Variants in GABRR3 observed in about 807,000 individuals in gnomAD.
GABRR3 encodes gamma-aminobutyric acid type A receptor subunit rho3.
Under a neutral mutation model 43.2 loss-of-function variants are expected in GABRR3, and 29 were observed. That is an observed-to-expected ratio of 0.67 (90% CI 0.50 to 0.92). The LOEUF (loss-of-function observed/expected upper bound fraction) is 0.92, where lower values mean the gene tolerates loss of function less well. Among genes scored for constraint, GABRR3 ranks in the 40% least tolerant of loss-of-function variants. The pLI, the probability that GABRR3 is intolerant of heterozygous loss-of-function variation, is 0.00. For missense variants in GABRR3, 576 were observed against 572.3 expected (o/e 1.01, Z -0.07); for synonymous variants, 206 against 195.9 (o/e 1.05, Z -0.43).
chr3:98,009,480 T>C (rs1706761472), intron 5 of GABRR3, among the ~76,000 whole-genome samples: 1 of 152,208 alleles, frequency 6.6e-6, no homozygotes, highest in Non-Finnish European at 1.5e-5. Context: ...CAAAGCAAGT[T>C]TACCCGAGGA....
In GABRR3 at chr3:98,012,345, T is replaced by C. The variant is rs767044824; in HGVS notation, c.529A>G (p.Arg177Gly). 3.1e-6 allele frequency: 5 copies of C among 1,611,648 alleles called. No individual in the cohort carries two copies. In the South Asian group the frequency reaches 4.4e-5, roughly 14 times the overall value. Residue 177 changes from arginine (R) to glycine (G), a missense_variant and splice_region_variant, in exon 5 of 10, where the codon AGG becomes GGG. Coordinates refer to ENST00000621172, the Ensembl canonical transcript of GABRR3. Reference sequence around the variant, plus strand: ...AAGGCGATAGGCAGCTTTCCTTACCTGAGACTTAGGAGGACGTTTCCATCA... The same window carrying C: ...AAGGCGATAGGCAGCTTTCCTTACCCGAGACTTAGGAGGACGTTTCCATCA...
chr3:98,004,347 A>G (rs910090645), intron 7 of GABRR3, among the ~76,000 whole-genome samples: 1 of 152,164 alleles, frequency 6.6e-6, no homozygotes, highest in African/African-American at 2.4e-5. Context: ...GTATTATGAA[A>G]CCCATTTAAA....
At chr3:98,030,327 A>G (rs920601281) in intron 2 of GABRR3, among the ~76,000 whole-genome samples, 3 of 152,214 alleles carry the variant, frequency 2.0e-5, no homozygotes, top group Non-Finnish European at 4.4e-5. Flanking sequence ...ATAATAGTGC[A>G]AACTTGAAAA....
exon 10 of GABRR3, chr3:97,986,764 A>G (rs776558233): frequency 2.5e-6 from 4 of 1,605,332 alleles, no homozygotes; most frequent in Non-Finnish European, 2.6e-6. Flanking sequence ...TGTCAATGAC[A>G]TGGTTGTTTT....
intron 7 of GABRR3, among the ~76,000 whole-genome samples, chr3:98,005,143 T>C (rs1472161138): frequency 1.3e-5 from 2 of 151,546 alleles, no homozygotes; most frequent in African/African-American, 4.8e-5. Context: ...TGTAACAAAT[T>C]AAAAAATACA....
chr3:98,012,372 G>T, exon 5 of GABRR3: 1 of 1,613,808 alleles, frequency 6.2e-7, no homozygotes, highest in Non-Finnish European at 8.5e-7. Flanking sequence ...TTTCCATCAG[G>T]GTGTACGCGC....
At position 98,015,006 on chromosome 3, in the gene GABRR3, A is replaced by T. The variant is rs118060569; in HGVS notation, c.307-2439T>A. 1.2e-3 allele frequency among the ~76,000 whole-genome samples: 177 copies of T among 152,342 alleles called. 3 individuals carry two copies. The East Asian group carries it at 0.031, about 26-fold the overall frequency. On this transcript the variant is annotated intron_variant, in intron 4 of 9. Transcript: ENST00000621172. The stretch of plus-strand genomic sequence containing the variant: ...TACTTATTCTAAAGCATATATAAAA[A>T]CAACTTTTGAAAGTTTTATAAGAAC...
intron 7 of GABRR3, among the ~76,000 whole-genome samples, chr3:98,005,835 C>G (rs530607772): frequency 5.9e-5 from 9 of 152,068 alleles, no homozygotes; most frequent in Admixed American, 2.0e-4. Context: ...GTGCATGAGA[C>G]AATTCTTTTT....
intron 7 of GABRR3, among the ~76,000 whole-genome samples, chr3:98,007,376 G>A (rs986229062): frequency 2.0e-5 from 3 of 152,100 alleles, no homozygotes; most frequent in Admixed American, 6.5e-5. Flanking sequence ...GGTGGTGAGG[G>A]GCAGAGGAAG....
intron 2 of GABRR3, among the ~76,000 whole-genome samples, chr3:98,030,448 G>A (rs1211387523): frequency 6.6e-6 from 1 of 152,136 alleles, no homozygotes; most frequent in African/African-American, 2.4e-5. Context: ...AAATGCTTAA[G>A]TGAAGAAAAT....
chr3:97,991,430 C>T (rs1184247502), intron 9 of GABRR3, among the ~76,000 whole-genome samples: 1 of 152,252 alleles, frequency 6.6e-6, no homozygotes, highest in African/African-American at 2.4e-5. Context: ...GCATACTGCT[C>T]TAACAGCTCC....
intron 8 of GABRR3, chr3:97,998,505 A>G (rs1051233790): frequency 2.0e-5 from 3 of 152,200 alleles, no homozygotes; most frequent in East Asian, 3.8e-4. Context: ...AACAGAGTAG[A>G]AAATATTTGT....
intron 9 of GABRR3, among the ~76,000 whole-genome samples, chr3:97,989,036 G>C (rs1316758358): frequency 2.0e-5 from 3 of 151,480 alleles, no homozygotes; most frequent in Non-Finnish European, 4.4e-5. Flanking sequence ...TATGGTAGTG[G>C]TGGTGGGTGG....
At chr3:98,019,649 G>A (rs561036938) in intron 3 of GABRR3, among the ~76,000 whole-genome samples, 5 of 152,016 alleles carry the variant, frequency 3.3e-5, no homozygotes, top group South Asian at 4.2e-4. Flanking sequence ...GCAGTGGCAC[G>A]ATCTTGGCTC....
intron 3 of GABRR3, among the ~76,000 whole-genome samples, chr3:98,024,599 A>G (rs1435086777): frequency 6.6e-6 from 1 of 152,130 alleles, no homozygotes; most frequent in Non-Finnish European, 1.5e-5. Context: ...CACTTGCGGT[A>G]TTCGTTATTC....
At chr3:98,019,002 C>G (rs141533564) in intron 3 of GABRR3, among the ~76,000 whole-genome samples, 223 of 151,818 alleles carry the variant, frequency 1.5e-3, no homozygotes, top group African/African-American at 4.9e-3. Flanking sequence ...TCCAGCTACT[C>G]GGAAGACTGA....
At chr3:98,004,822 T>C (rs1015913502) in intron 7 of GABRR3, among the ~76,000 whole-genome samples, 1 of 151,848 alleles carries the variant, frequency 6.6e-6, no homozygotes, top group African/African-American at 2.4e-5. Context: ...GTTGTAAGGA[T>C]AGGAGTGAAG....
At chr3:97,989,689 C>T (rs1706437507) in intron 9 of GABRR3, among the ~76,000 whole-genome samples, 1 of 152,010 alleles carries the variant, frequency 6.6e-6, no homozygotes, top group Non-Finnish European at 1.5e-5. Flanking sequence ...AGCTCTGTCC[C>T]TTTTGAGTCC....
intron 4 of GABRR3, among the ~76,000 whole-genome samples, chr3:98,014,351 A>G (rs573300782): frequency 6.6e-6 from 1 of 152,322 alleles, no homozygotes. Flanking sequence ...TTGGGGAAGT[A>G]TCATTCAGAA....
Sources: allele counts gnomAD v4.1 joint callset (sites outside exome capture counted in the v4.1 genomes callset), GRCh38; gene constraint gnomAD v4.1.1; transcripts MANE v1.5; gene names NCBI Gene and HGNC (gene_info 2026-07-23, HGNC 2026-07-21).